Variants in CLSTN2 observed in about 807,000 individuals in gnomAD.
CLSTN2 encodes calsyntenin 2.
CLSTN2 carries 48 observed loss-of-function variants against 101.2 expected under a neutral mutation model. That is an observed-to-expected ratio of 0.47 (90% CI 0.38 to 0.60). The LOEUF (loss-of-function observed/expected upper bound fraction) is 0.60, where lower values mean the gene tolerates loss of function less well. CLSTN2 is among the 20% of genes least tolerant of loss of function. CLSTN2 has a pLI of 0.00. For synonymous variants in CLSTN2, 481 were observed against 463.6 expected, an observed-to-expected ratio of 1.04 and a Z score of -0.48; for missense variants, 1,160 against 1,238.2, an observed-to-expected ratio of 0.94 and a Z score of 0.95.
intron 1 of CLSTN2, among the ~76,000 whole-genome samples, chr3:140,076,625 GTTTTTTTTTTTTTTT>G (rs35645750): frequency 9.7e-4 from 37 of 38,066 alleles, no homozygotes; most frequent in Non-Finnish European, 1.2e-3. Context: ...CACCAGCAGT[GTTTTTTTTTTTTTTT>G]TTTTTTTTTT....
intron 1 of CLSTN2, among the ~76,000 whole-genome samples, chr3:140,143,629 T>G (rs1226392018): frequency 1.3e-5 from 2 of 152,162 alleles, no homozygotes; most frequent in Non-Finnish European, 2.9e-5. Flanking sequence ...CACCACCAGA[T>G]TCTCTCTGTT....
At chr3:140,335,600 G>A (rs956488426) in intron 2 of CLSTN2, among the ~76,000 whole-genome samples, 4 of 149,148 alleles carry the variant, frequency 2.7e-5, no homozygotes, top group Non-Finnish European at 4.4e-5. Context: ...AGACAGCTAG[G>A]GTTTCAAAGA....
At chr3:140,294,107 T>C (rs1431483478) in intron 2 of CLSTN2, among the ~76,000 whole-genome samples, 1 of 152,210 alleles carries the variant, frequency 6.6e-6, no homozygotes, top group African/African-American at 2.4e-5. Flanking sequence ...GGTTACAGCA[T>C]GTTATAGCAA....
chr3:140,197,381 A>C (rs1162510967), intron 2 of CLSTN2, among the ~76,000 whole-genome samples: 1 of 152,222 alleles, frequency 6.6e-6, no homozygotes, highest in African/African-American at 2.4e-5. Context: ...GTGAATCTAA[A>C]TAAAATCACT....
At chr3:140,016,558 T>C (rs1336199302) in intron 1 of CLSTN2, among the ~76,000 whole-genome samples, 4 of 151,918 alleles carry the variant, frequency 2.6e-5, no homozygotes, top group Non-Finnish European at 4.4e-5. Context: ...CCCAGGACTT[T>C]GGGAGGCCGA....
intron 1 of CLSTN2, among the ~76,000 whole-genome samples, chr3:140,170,789 C>T (rs1014088049): frequency 6.6e-6 from 1 of 152,158 alleles, no homozygotes; most frequent in Admixed American, 6.5e-5. Flanking sequence ...GTGTCTAGCA[C>T]AGGACATATG....
chr3:140,501,285 G>A (rs1011367720), intron 8 of CLSTN2, among the ~76,000 whole-genome samples: 1 of 152,218 alleles, frequency 6.6e-6, no homozygotes, highest in African/African-American at 2.4e-5. Context: ...TGCAAAAGCA[G>A]CCCTGGTCAC....
intron 2 of CLSTN2, among the ~76,000 whole-genome samples, chr3:140,310,571 G>C (rs374552227): frequency 6.6e-6 from 1 of 152,054 alleles, no homozygotes; most frequent in Non-Finnish European, 1.5e-5. Context: ...CCCTCCACTC[G>C]CCTCAGTCAG....
At chr3:140,269,472 A>C (rs2086722356) in intron 2 of CLSTN2, among the ~76,000 whole-genome samples, 1 of 152,212 alleles carries the variant, frequency 6.6e-6, no homozygotes, top group African/African-American at 2.4e-5. Context: ...GTTCAGCGAC[A>C]ATCAATGTTT....
At chr3:140,540,107 G>A (rs1423081541) in intron 9 of CLSTN2, among the ~76,000 whole-genome samples, 1 of 152,086 alleles carries the variant, frequency 6.6e-6, no homozygotes, top group Non-Finnish European at 1.5e-5. Flanking sequence ...CAGGCCCTTA[G>A]TTCCTTCACG....
At chr3:140,496,209 T>G (rs1934461420) in intron 8 of CLSTN2, among the ~76,000 whole-genome samples, 1 of 152,302 alleles carries the variant, frequency 6.6e-6, no homozygotes, top group East Asian at 1.9e-4. Context: ...CTTAGGTATT[T>G]TATTCTCTTT....
chr3:140,323,568 A>G lies in CLSTN2; in HGVS notation c.233-80061A>G, dbSNP rs752053453. The stretch of plus-strand genomic sequence containing the variant: ...AAATATGGATTAAAATCCCAGTTCC[A>G]TGATCTGGGGCAAGTTGCATAGCTC... On this transcript the variant is annotated intron_variant, in intron 2 of 16. Transcript: ENST00000458420. Among the ~76,000 whole-genome samples the G allele has an allele frequency of 5.3e-5, 8 of 152,286 alleles. No homozygotes were observed. In the East Asian group the frequency reaches 9.7e-4, roughly 18 times the overall value.
intron 1 of CLSTN2, among the ~76,000 whole-genome samples, chr3:139,977,020 A>T (rs1419634864): frequency 1.3e-5 from 2 of 152,034 alleles, no homozygotes; most frequent in African/African-American, 4.8e-5. Context: ...CCTGGGGAGG[A>T]CAAGCAGACA....
rs1985608190 is a variant in CLSTN2 at position 140,573,040 on chromosome 3, T to C, written c.*6787T>C. 6.6e-6 allele frequency: 1 copy of C among 152,254 alleles called. No homozygotes were observed. The highest frequency in any genetic ancestry group is 2.4e-5 in the African/African-American group (1 of 41,428). 9.4% of individuals were successfully genotyped at this position (152,254 alleles called of 1,614,324 possible). On this transcript the variant is annotated 3_prime_UTR_variant, in exon 17 of 17. Transcript: ENST00000458420. ...AGAGACTGCCCAGGAGAGGCTGCCA[T>C]GAGGTCACTCATCCCCAGGAAGGCC...
chr3:139,961,121 G>A (rs1935500501), intron 1 of CLSTN2, among the ~76,000 whole-genome samples: 1 of 152,056 alleles, frequency 6.6e-6, no homozygotes, highest in Non-Finnish European at 1.5e-5. Flanking sequence ...CAGTACTTTT[G>A]TCTATTGTTC....
At chr3:140,192,535 A>G (rs1391152297) in intron 2 of CLSTN2, among the ~76,000 whole-genome samples, 1 of 151,746 alleles carries the variant, frequency 6.6e-6, no homozygotes, top group East Asian at 1.9e-4. Flanking sequence ...TGGCCCTTTA[A>G]TCATTATACA....
intron 1 of CLSTN2, among the ~76,000 whole-genome samples, chr3:140,161,846 A>G (rs1442048660): frequency 6.6e-6 from 1 of 152,218 alleles, no homozygotes; most frequent in Admixed American, 6.5e-5. Flanking sequence ...TAACAAACCC[A>G]AAGAGCTTTC....
chr3:140,414,117 G>C (rs949777049), intron 4 of CLSTN2, among the ~76,000 whole-genome samples: 3 of 152,030 alleles, frequency 2.0e-5, no homozygotes, highest in African/African-American at 7.2e-5. Flanking sequence ...TTGTCTGTTT[G>C]CAGATTACAT....
chr3:140,190,692 T>C (rs544111326), intron 2 of CLSTN2, among the ~76,000 whole-genome samples: 1 of 152,294 alleles, frequency 6.6e-6, no homozygotes, highest in African/African-American at 2.4e-5. Context: ...AATAGTATTG[T>C]ATTTTTAATT....
Sources: gnomAD v4.1 joint callset for allele counts (sites outside exome capture counted in the v4.1 genomes callset) on GRCh38, gnomAD v4.1.1 for gene constraint, MANE v1.5 for transcripts, NCBI Gene and HGNC (gene_info 2026-07-23, HGNC 2026-07-21) for gene names.